The following GABRE variants were observed in gnomAD, a reference collection of about 807,000 sequenced individuals.
GABRE encodes gamma-aminobutyric acid receptor subunit epsilon.
In GABRE, 20 loss-of-function variants were observed where a neutral mutation model predicts 31.0. That is an observed-to-expected ratio of 0.64 (90% CI 0.45 to 0.94). The LOEUF (loss-of-function observed/expected upper bound fraction) is 0.94, where lower values mean the gene tolerates loss of function less well. Ranked by LOEUF, GABRE falls within the 40% of genes least tolerant of loss-of-function variation. The pLI, the probability that GABRE is intolerant of heterozygous loss-of-function variation, is 0.00. For synonymous variants in GABRE, 155 were observed against 150.6 expected (o/e 1.03, Z -0.21); for missense variants, 420 against 410.7 (o/e 1.02, Z -0.20).
chrX:151,962,643 C>G lies in GABRE; in HGVS notation c.343G>C (p.Glu115Gln). The G allele has an allele frequency of 8.4e-7, 1 of 1,196,824 alleles. No individual in the cohort carries two copies. The highest frequency in any genetic ancestry group is 1.1e-6 in the Non-Finnish European group (1 of 882,666). The change falls in exon 4 of 9, where the codon GAA becomes CAA. Residue 115 changes from glutamate to glutamine, a missense_variant and splice_region_variant. By Grantham distance (29) the Glu-to-Gln change is conservative. Transcript: ENST00000370328. ...GAGAAGATGATGTCAATGGTGTATT[C>G]CTGGTGGGAAGGACAGAAAAGCACA... ...SLGPLSILDM[E>Q]YTIDIIFSQT...
intron 1 of GABRE, chrX:151,972,647 A>G: frequency 1.3e-6 from 1 of 753,736 alleles, no homozygotes; most frequent in African/African-American, 2.3e-5. Flanking sequence ...CCCCTAGACT[A>G]GGTCTGCAAT....
At chrX:151,970,093 C>T in intron 2 of GABRE, 92 bp downstream of exon 2, 1 of 1,165,381 alleles carries the variant, frequency 8.6e-7, no homozygotes, top group Non-Finnish European at 1.1e-6. Flanking sequence ...ATGAGCATGG[C>T]ACCCTCTGTT....
chrX:151,972,225 C>A (rs774076244), intron 1 of GABRE: 3 of 753,511 alleles, frequency 4.0e-6, no homozygotes, highest in Non-Finnish European at 4.7e-6. Flanking sequence ...GTGCCAAATC[C>A]ACACCATTTC....
chrX:151,972,298 T>A, intron 1 of GABRE: 1 of 753,719 alleles, frequency 1.3e-6, no homozygotes, highest in Non-Finnish European at 1.6e-6. Flanking sequence ...GAAAATACAG[T>A]TTCTACTTTC....
In GABRE at chrX:151,954,228, GAGGTGCCAGGTAT is replaced by G. The variant is rs1461526607; in HGVS notation, c.*460_*472del. 8.6e-6 allele frequency: 1 copy of G among 116,289 alleles called. No individual in the cohort carries two copies. Among genetic ancestry groups the G allele is most frequent in the Non-Finnish European group, 1.8e-5 (1 of 56,003 alleles). 9.6% of individuals were successfully genotyped at this position (116,289 alleles called of 1,213,427 possible). ...TTATACTGCTGCCCAGCATCTTAAT[GAGGTGCCAGGTAT>G]AGGCAAGCAACTAGTCGGTGCACTT... On this transcript the variant is annotated 3_prime_UTR_variant, in exon 9 of 9. Transcript: ENST00000370328.
chrX:151,955,942 A>C, intron 6 of GABRE, 82 bp from the exon 7 acceptor site: 6 of 963,388 alleles, frequency 6.2e-6, no homozygotes, highest in Non-Finnish European at 8.8e-6. Context: ...TAAGGGTCTC[A>C]TTTTTCAGCT....
intron 3 of GABRE, among the ~76,000 whole-genome samples, chrX:151,968,913 C>T (rs1297243619): frequency 8.9e-6 from 1 of 111,897 alleles, no homozygotes; most frequent in Non-Finnish European, 1.9e-5. Flanking sequence ...AAGAAAGGAG[C>T]AATTAACAGG....
At chrX:151,970,792 G>T (rs1934670596) in intron 1 of GABRE, among the ~76,000 whole-genome samples, 1 of 112,458 alleles carries the variant, frequency 8.9e-6, no homozygotes, top group South Asian at 3.7e-4. Flanking sequence ...GCAGGCAGAG[G>T]GCCAGGGCTG....
chrX:151,953,804 T>TA lies in GABRE; in HGVS notation c.*896dup, dbSNP rs1934035515. 9.0e-6 allele frequency: 1 copy of TA among 111,693 alleles called. No homozygotes were observed. The highest frequency in any genetic ancestry group is 3.3e-5 in the African/African-American group (1 of 30,636). 9.2% of individuals were successfully genotyped at this position (111,693 alleles called of 1,213,427 possible). A position where few individuals can be genotyped will look rare whatever the true frequency, so the allele number is the denominator to read the frequency against. ...TGCCTGTTGCAAAGCCGAGTTTCCT[T>TA]AGTTTCTTGGCCCCAGGAAGTCACC... On this transcript the variant is annotated 3_prime_UTR_variant, in exon 9 of 9. Transcript: ENST00000370328.
At chrX:151,967,738 T>C (rs1036318649) in intron 3 of GABRE, among the ~76,000 whole-genome samples, 1 of 112,460 alleles carries the variant, frequency 8.9e-6, no homozygotes, top group African/African-American at 3.2e-5. Context: ...CCACCAATTT[T>C]AAAATGTAGA....
At position 151,970,201 on chromosome X, in the gene GABRE, C is replaced by T. The variant is rs76574542; in HGVS notation, c.258G>A (p.Leu86=). ...GCTCCTCACCTCCAATGCCAGGGCG[C>T]AGTTTGTGGTCATAATTACTCAGGA... The part of the protein sequence containing the change: ...NTILSNYDHK[L]RPGIGEKPTV... Residue 86 remains leucine (L), a synonymous_variant, in exon 2 of 9, where the codon CTG becomes CTA. Transcript: ENST00000370328. 8.3e-7 allele frequency: 1 copy of T among 1,211,673 alleles called. No homozygotes were observed. The highest frequency in any genetic ancestry group is 1.8e-5 in the South Asian group (1 of 56,962).
rs778407422 is a variant in GABRE, at chrX:151,954,861, T to C, written c.1361A>G (p.Lys454Arg). ...ATCGGGGACCATGCAGAAGTACTTC[T>C]TAAAACGCTTGCACCACTCACAGCA... ...LACCEWCKRF[K>R]KYFCMVPDCE... The change falls in exon 9 of 9, where the codon AAG (lysine) becomes AGG (arginine). Residue 454 changes from lysine to arginine, a missense_variant. Transcript: ENST00000370328. 2.5e-6 allele frequency: 3 copies of C among 1,211,703 alleles called. No homozygotes were observed. The highest frequency in any genetic ancestry group is 1.8e-5 in the South Asian group (1 of 56,955).
At chrX:151,958,618 C>T (rs370036605) in intron 6 of GABRE, 49 of 378,928 alleles carry the variant, frequency 1.3e-4, no homozygotes, top group Admixed American at 8.5e-4. Context: ...AAACAATGCA[C>T]AATCATCTAC....
At chrX:151,973,929 G>T (rs1471193102) in intron 1 of GABRE, among the ~76,000 whole-genome samples, 7 of 111,277 alleles carry the variant, frequency 6.3e-5, no homozygotes, top group Non-Finnish European at 1.1e-4. Context: ...GGCTGTCAGC[G>T]GTGGAGAGGG....
At chrX:151,955,996 C>T (rs1227368797) in intron 6 of GABRE, 136 bp from the exon 7 acceptor site, 2 of 606,337 alleles carry the variant, frequency 3.3e-6, no homozygotes, top group African/African-American at 4.5e-5. Context: ...CAATGCAATA[C>T]ATACAAATAG....
Position 151,974,577 on chromosome X carries a change from G to A in GABRE, c.49C>T (p.Gln17Ter). The A allele has an allele frequency of 8.5e-7, 1 of 1,174,944 alleles. No individual in the cohort carries two copies. The highest frequency in any genetic ancestry group is 1.1e-6 in the Non-Finnish European group (1 of 875,898). ...PVLLGILLIL[Q>*]SRVEGPQTES... Reference sequence around the variant, plus strand: ...CCCGGGATGGAGACTCACCTCGACTGGAGGATCAATAAGATGCCTAGGAGG... The same window carrying A: ...CCCGGGATGGAGACTCACCTCGACTAGAGGATCAATAAGATGCCTAGGAGG... Residue 17 changes from glutamine to a stop codon, truncating the protein, a stop_gained, in exon 1 of 9, where the codon CAG (glutamine) becomes TAG (stop). Coordinates refer to ENST00000370328, the MANE Select transcript of GABRE (RefSeq NM_004961.4). LOFTEE classifies it high-confidence loss of function.
At chrX:151,965,114 C>G (rs1934488853) in intron 3 of GABRE, among the ~76,000 whole-genome samples, 1 of 111,714 alleles carries the variant, frequency 9.0e-6, no homozygotes, top group Non-Finnish European at 1.9e-5. Flanking sequence ...TCGTGCCACT[C>G]CACTCCAGCC....
At chrX:151,966,045 G>A (rs1176186420) in intron 3 of GABRE, among the ~76,000 whole-genome samples, 2 of 112,438 alleles carry the variant, frequency 1.8e-5, no homozygotes, top group African/African-American at 3.2e-5. Context: ...GGTAGCCAGT[G>A]GGAAGCCTTG....
chrX:151,971,115 C>A, intron 1 of GABRE: 1 of 828,573 alleles, frequency 1.2e-6, no homozygotes, highest in Non-Finnish European at 1.5e-6. Context: ...ATGTTAAAGG[C>A]CATCTGCCAA....
Sources: allele counts gnomAD v4.1 joint callset (sites outside exome capture counted in the v4.1 genomes callset), GRCh38; gene constraint gnomAD v4.1.1; transcripts MANE v1.5; gene names NCBI Gene and HGNC (gene_info 2026-07-23, HGNC 2026-07-21).